Variants in CRIM1 observed in about 807,000 individuals in gnomAD.
CRIM1 encodes cysteine-rich motor neuron 1 protein.
In CRIM1, 32 loss-of-function variants were observed where a neutral mutation model predicts 116.4. The ratio of observed to expected loss-of-function variants is 0.27; its 90% CI spans 0.21 to 0.37. The LOEUF (loss-of-function observed/expected upper bound fraction) is 0.37, where lower values mean the gene tolerates loss of function less well. Among genes scored for constraint, CRIM1 ranks in the 10% least tolerant of loss-of-function variants. The pLI, the probability that CRIM1 is intolerant of heterozygous loss-of-function variation, is 1.00. For synonymous variants in CRIM1, 590 were observed against 509.2 expected, an observed-to-expected ratio of 1.16 and a Z score of -2.13; for missense variants, 1,331 against 1,354.8, an observed-to-expected ratio of 0.98 and a Z score of 0.28.
chr2:36,428,556 A>G (rs1674635083), intron 2 of CRIM1, among the ~76,000 whole-genome samples: 1 of 152,222 alleles, frequency 6.6e-6, no homozygotes, highest in South Asian at 2.1e-4. Context: ...CTTGTGGATG[A>G]CAAAGCGTTT....
intron 5 of CRIM1, among the ~76,000 whole-genome samples, chr2:36,473,485 A>G (rs1678704061): frequency 6.6e-6 from 1 of 152,212 alleles, no homozygotes; most frequent in Admixed American, 6.5e-5. Flanking sequence ...TCAAGCCATC[A>G]GAAAACTCCT....
intron 2 of CRIM1, among the ~76,000 whole-genome samples, chr2:36,418,517 G>A (rs991086975): frequency 2.6e-5 from 4 of 152,104 alleles, no homozygotes; most frequent in Non-Finnish European, 5.9e-5. Flanking sequence ...GAACTCCTGG[G>A]CTCAGGCAGT....
rs140732031 is a variant in CRIM1, at chr2:36,479,622, G to C, written c.1300G>C (p.Val434Leu). The C allele has an allele frequency of 1.9e-6, 3 of 1,614,106 alleles. No individual in the cohort carries two copies. Among genetic ancestry groups the C allele is most frequent in the Admixed American group, 1.7e-5 (1 of 60,008 alleles). ...CQCVNGERHC[V>L]ATVCGQTCTN... ...GTGCGTCAACGGTGAACGCCACTGC[G>C]TTGCGACCGTCTGCGGACAGACCTG... Residue 434 changes from valine (V) to leucine (L), a missense_variant, in exon 7 of 17, where the codon GTT (valine) becomes CTT (leucine). Transcript: ENST00000280527.
At chr2:36,380,168 C>G (rs1204336313) in intron 1 of CRIM1, among the ~76,000 whole-genome samples, 1 of 152,194 alleles carries the variant, frequency 6.6e-6, no homozygotes, top group East Asian at 1.9e-4. Flanking sequence ...TCAGGTACTC[C>G]TGTCCTCAGA....
intron 2 of CRIM1, among the ~76,000 whole-genome samples, chr2:36,420,915 A>G (rs1310661780): frequency 1.3e-5 from 2 of 152,128 alleles, no homozygotes; most frequent in African/African-American, 4.8e-5. Flanking sequence ...AGCTAGTACA[A>G]CCTTCTTGAG....
chr2:36,508,042 C>G (rs2125102984), intron 8 of CRIM1, among the ~76,000 whole-genome samples: 1 of 152,286 alleles, frequency 6.6e-6, no homozygotes, highest in East Asian at 1.9e-4. Context: ...AGAAACATGA[C>G]TAATAAAGTC....
chr2:36,492,173 C>T (rs1680272765), intron 7 of CRIM1, among the ~76,000 whole-genome samples: 1 of 152,278 alleles, frequency 6.6e-6, no homozygotes, highest in African/African-American at 2.4e-5. Flanking sequence ...AAAATAAATA[C>T]ATGGTTGCTT....
chr2:36,447,242 T>C (rs1188433169), intron 4 of CRIM1, among the ~76,000 whole-genome samples: 1 of 152,182 alleles, frequency 6.6e-6, no homozygotes, highest in East Asian at 1.9e-4. Flanking sequence ...TTTTTTAATT[T>C]TTTTTTTATT....
chr2:36,479,554 C>T lies in CRIM1; in HGVS notation c.1232C>T (p.Ala411Val), dbSNP rs369088958. The change falls in exon 7 of 17, where the codon GCC (alanine) becomes GTC (valine). Residue 411 changes from alanine to valine, a missense_variant. Ala to Val is a moderately conservative substitution (Grantham distance 64). Coordinates refer to ENST00000280527, the MANE Select transcript of CRIM1 (RefSeq NM_016441.3). ...AGCYANGLILAHGDRWREDDC... is the reference protein window; with the variant it reads ...AGCYANGLILVHGDRWREDDC... ...TGCTATGCCAATGGCCTGATCCTTG[C>T]CCACGGAGACCGGTGGCGGGAAGAC... 54 of 1,614,084 alleles carry T rather than the reference C, an allele frequency of 3.3e-5. No individual in the cohort carries two copies. The highest frequency in any genetic ancestry group is 3.3e-4 in the Middle Eastern group (2 of 6,084).
At chr2:36,435,706 G>A (rs1006722809) in intron 2 of CRIM1, among the ~76,000 whole-genome samples, 9 of 151,938 alleles carry the variant, frequency 5.9e-5, no homozygotes, top group African/African-American at 2.2e-4. Flanking sequence ...CCTGAAGAGG[G>A]CCTAAAAATG....
chr2:36,506,179 T>A lies in CRIM1; in HGVS notation c.1502-3804T>A, dbSNP rs868440288. Among the ~76,000 whole-genome samples, 8 of 91,680 alleles carry A rather than the reference T, an allele frequency of 8.7e-5. No homozygotes were observed. In the East Asian group the frequency reaches 1.0e-3, roughly 12 times the overall value. 60.1% of individuals were successfully genotyped at this position (91,680 alleles called of 152,430 possible). On this transcript the variant is annotated intron_variant, in intron 8 of 16. Coordinates refer to ENST00000280527, the MANE Select transcript of CRIM1 (RefSeq NM_016441.3). Reference sequence around the variant, plus strand: ...CACACTCTCTCTCTCTCTCTCTCTCTCTCACACACACACACACACACACAC... The same window carrying A: ...CACACTCTCTCTCTCTCTCTCTCTCACTCACACACACACACACACACACAC...
intron 7 of CRIM1, among the ~76,000 whole-genome samples, chr2:36,487,844 A>G (rs1359781556): frequency 1.3e-5 from 2 of 152,202 alleles, no homozygotes; most frequent in Non-Finnish European, 2.9e-5. Context: ...TATGACTTCT[A>G]GGGATTAGAG....
intron 7 of CRIM1, among the ~76,000 whole-genome samples, chr2:36,496,379 T>C (rs1263802292): frequency 6.6e-6 from 1 of 152,148 alleles, no homozygotes; most frequent in African/African-American, 2.4e-5. Context: ...TTTTGTTGTG[T>C]TTTTCTGTGT....
chr2:36,361,984 G>A (rs1669252238), intron 1 of CRIM1, among the ~76,000 whole-genome samples: 1 of 152,078 alleles, frequency 6.6e-6, no homozygotes, highest in Admixed American at 6.5e-5. Flanking sequence ...ACTTGCCTTT[G>A]CATGGAAATC....
At chr2:36,531,845 A>G in intron 13 of CRIM1, 1 of 465,346 alleles carries the variant, frequency 2.1e-6, no homozygotes, top group Non-Finnish European at 4.4e-6. Context: ...TATGTGATGC[A>G]AGATAATATT....
chr2:36,368,840 A>T (rs1039636932), intron 1 of CRIM1, among the ~76,000 whole-genome samples: 2 of 151,994 alleles, frequency 1.3e-5, no homozygotes, highest in African/African-American at 2.4e-5. Flanking sequence ...GCTCCAGAAA[A>T]TTTTTTTTCA....
Position 36,442,664 on chromosome 2 carries a change from C to G in CRIM1, c.798C>G (p.Thr266=), listed in dbSNP as rs146751686. 6 of 1,614,058 alleles carry G rather than the reference C, an allele frequency of 3.7e-6. No individual in the cohort carries two copies. Among genetic ancestry groups the G allele is most frequent in the Non-Finnish European group, 5.1e-6 (6 of 1,179,986 alleles). Residue 266 remains threonine (T), a synonymous_variant, in exon 4 of 17, where the codon ACC becomes ACG. Transcript: ENST00000280527. ...TGGAATGCCCTCCTGTTCAGCAGAC[C>G]GCGTGTCCCCCGGACAGCTATGAAA... ...RTVECPPVQQ[T]ACPPDSYETQ... is the part of the protein sequence containing the mutation.
chr2:36,382,876 A>G (rs1390408824), intron 1 of CRIM1, among the ~76,000 whole-genome samples: 1 of 152,198 alleles, frequency 6.6e-6, no homozygotes, highest in African/African-American at 2.4e-5. Context: ...GGTGATCATT[A>G]TTGTTCATTA....
At chr2:36,511,436 T>A (rs1664670906) in intron 9 of CRIM1, among the ~76,000 whole-genome samples, 1 of 152,210 alleles carries the variant, frequency 6.6e-6, no homozygotes, top group African/African-American at 2.4e-5. Context: ...TTCTTAATCC[T>A]AAAATAAGAA....
Sources: allele counts gnomAD v4.1 joint callset (sites outside exome capture counted in the v4.1 genomes callset), GRCh38; gene constraint gnomAD v4.1.1; transcripts MANE v1.5; gene names NCBI Gene and HGNC (gene_info 2026-07-23, HGNC 2026-07-21).